Variants in EDN1 observed in about 807,000 individuals in gnomAD.
EDN1 encodes the protein endothelin 1, also known as endothelin-1.
In EDN1, 11 loss-of-function variants were observed where a neutral mutation model predicts 21.7. The observed-to-expected ratio is 0.51, with a 90% CI of 0.32 to 0.84. The LOEUF is 0.84. Among genes scored for constraint, EDN1 ranks in the 40% least tolerant of loss-of-function variants. EDN1 has a pLI of 0.03. For synonymous variants in EDN1, 85 were observed against 90.6 expected, an observed-to-expected ratio of 0.94 and a Z score of 0.35; for missense variants, 244 against 262.3, an observed-to-expected ratio of 0.93 and a Z score of 0.48.
At chr6:12,254,941 T>C in the EDN1 span, among the ~76,000 whole-genome samples, 1 of 152,126 alleles carries the variant, frequency 6.6e-6, no homozygotes, top group Admixed American at 6.5e-5. Flanking sequence ...ATCTGAAATC[T>C]CCAGTAACTC....
chr6:12,255,112 A>G, the EDN1 span, among the ~76,000 whole-genome samples: 2 of 152,350 alleles, frequency 1.3e-5, no homozygotes, highest in Non-Finnish European at 2.9e-5. Flanking sequence ...TCATTTTATG[A>G]AGATGAAATG....
the EDN1 span, among the ~76,000 whole-genome samples, chr6:12,241,201 T>C: frequency 6.7e-6 from 1 of 149,214 alleles, no homozygotes; most frequent in South Asian, 2.1e-4. Context: ...AGTCTCACTC[T>C]GTCACTCAGG....
chr6:12,265,096 A>G, the EDN1 span, among the ~76,000 whole-genome samples: 1 of 152,214 alleles, frequency 6.6e-6, no homozygotes, highest in South Asian at 2.1e-4. Flanking sequence ...GGGATGGAGT[A>G]TGGCTGCAGG....
chr6:12,246,359 G>A, the EDN1 span, among the ~76,000 whole-genome samples: 6 of 152,222 alleles, frequency 3.9e-5, no homozygotes, highest in East Asian at 9.7e-4. Context: ...TAGCTCAGAG[G>A]CAATCACTTC....
the EDN1 span, among the ~76,000 whole-genome samples, chr6:12,275,614 G>A: frequency 2.6e-5 from 4 of 151,800 alleles, no homozygotes; most frequent in African/African-American, 4.8e-5. Flanking sequence ...TAAATGTAAC[G>A]TTTCTCACTT....
the EDN1 span, among the ~76,000 whole-genome samples, chr6:12,276,012 A>G: frequency 2.0e-5 from 3 of 151,952 alleles, no homozygotes; most frequent in Non-Finnish European, 4.4e-5. Context: ...AATACAAAAT[A>G]TCAGCTGGGC....
chr6:12,287,833 G>T (rs138730901), upstream of EDN1, among the ~76,000 whole-genome samples: 1 of 151,746 alleles, frequency 6.6e-6, no homozygotes, highest in Non-Finnish European at 1.5e-5. Context: ...TATTTGGCAC[G>T]GTGGGGCCCT....
chr6:12,247,953 A>G, the EDN1 span, among the ~76,000 whole-genome samples: 2 of 152,084 alleles, frequency 1.3e-5, no homozygotes, highest in African/African-American at 2.4e-5. Context: ...AGGAGATGTT[A>G]AAGGATAAAT....
Position 12,295,993 on chromosome 6 carries a change from T to G in EDN1, c.565T>G (p.Ser189Ala), listed in dbSNP as rs770703131. The change falls in exon 5 of 5, where the codon TCT becomes GCT. Residue 189 changes from serine to alanine, a missense_variant. By Grantham distance (99) the Ser-to-Ala change is moderately conservative. Coordinates refer to ENST00000379375, the MANE Select transcript of EDN1 (RefSeq NM_001955.5). ...SETMRNSVKS[S>A]FHDPKLKGKP... ...GACCATGAGAAACAGCGTCAAATCATCTTTTCATGATCCCAAGCTGAAAGG... is the reference window on the plus strand; with the variant it reads ...GACCATGAGAAACAGCGTCAAATCAGCTTTTCATGATCCCAAGCTGAAAGG... The G allele has an allele frequency of 5.0e-5, 80 of 1,613,978 alleles. No individual in the cohort carries two copies. The South Asian group carries it at 6.1e-4, about 12-fold the overall frequency.
At chr6:12,241,166 C>CTTT in the EDN1 span, among the ~76,000 whole-genome samples, 39,685 of 138,162 alleles carry the variant, frequency 0.29, 7,021 homozygotes, top group South Asian at 0.47. Flanking sequence ...TTCTTTCTTT[C>CTTT]TTTTTTTTTT....
chr6:12,285,768 C>A (rs143814798), upstream of EDN1, among the ~76,000 whole-genome samples: 48 of 152,242 alleles, frequency 3.2e-4, no homozygotes, highest in East Asian at 9.1e-3. Flanking sequence ...TGGGATTTCT[C>A]CATGTTGGTC....
rs1232005480 is a variant in EDN1, at chr6:12,296,350, G to A, written c.*283G>A. On this transcript the variant is annotated 3_prime_UTR_variant, in exon 5 of 5. Coordinates refer to ENST00000379375, the MANE Select transcript of EDN1 (RefSeq NM_001955.5). Reference sequence around the variant, plus strand: ...ACACAGTCACATTCGAATTCGGGTGGCATCCTCCGGAGAGAGAGAGAGGAA... The same window carrying A: ...ACACAGTCACATTCGAATTCGGGTGACATCCTCCGGAGAGAGAGAGAGGAA... 1 of 386,466 alleles carries A rather than the reference G, an allele frequency of 2.6e-6. No individual in the cohort carries two copies. Among genetic ancestry groups the A allele is most frequent in the Non-Finnish European group, 5.0e-6 (1 of 201,438 alleles). 23.9% of individuals were successfully genotyped at this position (386,466 alleles called of 1,614,324 possible). A position where few individuals can be genotyped will look rare whatever the true frequency, so the allele number is the denominator to read the frequency against.
chr6:12,231,849 G>A, the EDN1 span, among the ~76,000 whole-genome samples: 1 of 151,872 alleles, frequency 6.6e-6, no homozygotes, highest in African/African-American at 2.4e-5. Context: ...AGTGATGACT[G>A]TGGATAAAGT....
the EDN1 span, among the ~76,000 whole-genome samples, chr6:12,260,778 C>G: frequency 6.6e-6 from 1 of 151,970 alleles, no homozygotes; most frequent in East Asian, 1.9e-4. Flanking sequence ...TTGATTATAT[C>G]AGGTGTGTTA....
At chr6:12,249,702 A>G in the EDN1 span, among the ~76,000 whole-genome samples, 3 of 152,050 alleles carry the variant, frequency 2.0e-5, no homozygotes, top group African/African-American at 7.2e-5. Flanking sequence ...CCTGGAGTGA[A>G]GGAAAGGCAT....
the EDN1 span, among the ~76,000 whole-genome samples, chr6:12,244,963 C>G: frequency 6.6e-6 from 1 of 152,042 alleles, no homozygotes; most frequent in Non-Finnish European, 1.5e-5. Context: ...ACAAATAAGC[C>G]AAGAGCAAAA....
At chr6:12,250,466 C>G in the EDN1 span, among the ~76,000 whole-genome samples, 1 of 152,002 alleles carries the variant, frequency 6.6e-6, no homozygotes. Flanking sequence ...TTCAAAATTT[C>G]TTGTCTTCTT....
At chr6:12,288,992 G>T (rs1449186796), upstream of EDN1, among the ~76,000 whole-genome samples, 2 of 152,152 alleles carry the variant, frequency 1.3e-5, no homozygotes, top group East Asian at 3.8e-4. Flanking sequence ...CGCTTTGGTG[G>T]AGAACAAACA....
chr6:12,275,897 T>C, the EDN1 span, among the ~76,000 whole-genome samples: 1 of 151,988 alleles, frequency 6.6e-6, no homozygotes, highest in Non-Finnish European at 1.5e-5. Context: ...GCATGGTGGC[T>C]CACGCCTGTA....
Sources: gnomAD v4.1 joint callset for allele counts (sites outside exome capture counted in the v4.1 genomes callset) on GRCh38, gnomAD v4.1.1 for gene constraint, MANE v1.5 for transcripts, NCBI Gene and HGNC (gene_info 2026-07-23, HGNC 2026-07-21) for gene names.